Variants in NRXN3 observed in about 807,000 individuals in gnomAD.
The protein encoded by NRXN3 is neurexin III.
A neutral mutation model predicts 137.6 loss-of-function variants in NRXN3; 32 were observed. The ratio of observed to expected loss-of-function variants is 0.23; its 90% CI spans 0.18 to 0.31. NRXN3 has a LOEUF of 0.31. NRXN3 is among the 10% of genes least tolerant of loss of function. The pLI is 1.00. For missense variants in NRXN3, 1,574 were observed against 2,062.5 expected (o/e 0.76, Z 4.59); for synonymous variants, 798 against 784.5 (o/e 1.02, Z -0.29).
intron 4 of NRXN3, among the ~76,000 whole-genome samples, chr14:78,351,834 A>G (rs908743661): frequency 2.0e-5 from 3 of 147,680 alleles, no homozygotes; most frequent in Non-Finnish European, 4.5e-5. Flanking sequence ...ATGTTGGCAA[A>G]TTTATTAATT....
chr14:78,633,251 CAAAA>C lies in NRXN3; in HGVS notation c.758-11855_758-11852del, dbSNP rs779442429. On this transcript the variant is annotated intron_variant, in intron 4 of 20. Coordinates refer to ENST00000335750, the MANE Select transcript of NRXN3 (RefSeq NM_001330195.2). The stretch of plus-strand genomic sequence containing the variant: ...CCTGGGCTACAGAGCGAGACTCTGT[CAAAA>C]AAAAAAAAAAAAAGAGACTGGTAAT... Among the ~76,000 whole-genome samples, 11 of 68,048 alleles carry C rather than the reference CAAAA, an allele frequency of 1.6e-4. No individual in the cohort carries two copies. The South Asian group carries it at 5.1e-3, about 31-fold the overall frequency. The allele number at this position is 68,048 out of a possible 152,430, so 44.6% of individuals were successfully genotyped here.
At chr14:79,265,229 C>CT (rs1192923064) in intron 15 of NRXN3, among the ~76,000 whole-genome samples, 87 of 119,542 alleles carry the variant, frequency 7.3e-4, no homozygotes, top group Middle Eastern at 5.3e-3. Flanking sequence ...ATGGGGGTTG[C>CT]TCTTTTTTTT....
intron 10 of NRXN3, among the ~76,000 whole-genome samples, chr14:78,946,200 A>C (rs1290573580): frequency 6.6e-6 from 1 of 152,246 alleles, no homozygotes; most frequent in Admixed American, 6.5e-5. Flanking sequence ...GGTCTTGTGC[A>C]AGTATGTGAA....
chr14:79,393,975 G>T (rs1465810944), intron 15 of NRXN3, among the ~76,000 whole-genome samples: 1 of 152,134 alleles, frequency 6.6e-6, no homozygotes, highest in African/African-American at 2.4e-5. Flanking sequence ...GTCCAGTAGG[G>T]TGGAAGTCAG....
At chr14:78,789,784 C>G (rs575958066) in intron 8 of NRXN3, among the ~76,000 whole-genome samples, 105 of 152,240 alleles carry the variant, frequency 6.9e-4, no homozygotes, top group African/African-American at 2.4e-3. Context: ...CCACTCTTCT[C>G]TTTGCTCTTT....
chr14:78,217,475 T>G (rs2063409625), intron 1 of NRXN3, among the ~76,000 whole-genome samples: 1 of 152,096 alleles, frequency 6.6e-6, no homozygotes, highest in African/African-American at 2.4e-5. Context: ...CAACAAGGAA[T>G]TATCTAGTCC....
At chr14:79,158,634 A>C (rs1415430910) in intron 15 of NRXN3, among the ~76,000 whole-genome samples, 1 of 151,842 alleles carries the variant, frequency 6.6e-6, no homozygotes, top group African/African-American at 2.4e-5. Context: ...ATAATTAAAG[A>C]ATTACAAGGG....
chr14:78,606,860 T>C (rs2097257372), intron 4 of NRXN3, among the ~76,000 whole-genome samples: 1 of 152,234 alleles, frequency 6.6e-6, no homozygotes, highest in African/African-American at 2.4e-5. Context: ...TAAAAAAGTA[T>C]GATGATTGTT....
chr14:79,387,012 T>A (rs2094645503), intron 15 of NRXN3, among the ~76,000 whole-genome samples: 1 of 152,136 alleles, frequency 6.6e-6, no homozygotes. Context: ...GAAGAAAACC[T>A]AGGCAATACC....
chr14:79,111,070 G>A lies in NRXN3; in HGVS notation c.3262+122929G>A, dbSNP rs143877595. ...CTCCCAAAGTGCTGGGAGTACAGGC[G>A]TGAGCCACTGTGCCTAGCCAGAAAT... is the stretch of plus-strand genomic sequence containing the variant. On this transcript the variant is annotated intron_variant, in intron 15 of 20. Coordinates refer to ENST00000335750, the MANE Select transcript of NRXN3 (RefSeq NM_001330195.2). Among the ~76,000 whole-genome samples the A allele has an allele frequency of 5.8e-3, 880 of 152,182 alleles. 13 individuals carry two copies. The highest frequency in any genetic ancestry group is 0.056 in the South Asian group (272 of 4,822).
intron 8 of NRXN3, among the ~76,000 whole-genome samples, chr14:78,793,820 C>T (rs2098812903): frequency 6.6e-6 from 1 of 152,016 alleles, no homozygotes; most frequent in Non-Finnish European, 1.5e-5. Flanking sequence ...GACTCAAGGC[C>T]CTAGGCTTGC....
intron 19 of NRXN3, among the ~76,000 whole-genome samples, chr14:79,717,897 C>T (rs1244461335): frequency 6.6e-6 from 1 of 152,200 alleles, no homozygotes; most frequent in East Asian, 1.9e-4. Context: ...CGCATTCATT[C>T]CACAAACATT....
At chr14:79,004,474 A>G (rs569842361) in intron 15 of NRXN3, among the ~76,000 whole-genome samples, 1 of 152,252 alleles carries the variant, frequency 6.6e-6, no homozygotes, top group East Asian at 1.9e-4. Context: ...AAACTCTTGG[A>G]TGCAAGTGAT....
At chr14:79,095,860 A>T (rs373189413) in intron 15 of NRXN3, among the ~76,000 whole-genome samples, 2 of 152,122 alleles carry the variant, frequency 1.3e-5, no homozygotes, top group African/African-American at 4.8e-5. Context: ...TTATTGTTTT[A>T]GAATTTGAAA....
intron 2 of NRXN3, among the ~76,000 whole-genome samples, chr14:78,255,400 G>A (rs1596417819): frequency 6.6e-6 from 1 of 152,316 alleles, no homozygotes; most frequent in Middle Eastern, 3.4e-3. Flanking sequence ...CGTGGGCAGA[G>A]GATGGTTGGG....
At chr14:78,626,244 G>A (rs888368803) in intron 4 of NRXN3, among the ~76,000 whole-genome samples, 7 of 152,136 alleles carry the variant, frequency 4.6e-5, no homozygotes, top group Admixed American at 3.9e-4. Context: ...TTTAACTACA[G>A]TGCGCAGCTC....
At chr14:79,584,655 C>T (rs1398098954) in intron 16 of NRXN3, among the ~76,000 whole-genome samples, 2 of 152,162 alleles carry the variant, frequency 1.3e-5, no homozygotes, top group African/African-American at 4.8e-5. Flanking sequence ...TCTCCCACAA[C>T]CCAGCTACTG....
rs201291697 is a variant in NRXN3 at position 79,596,009 on chromosome 14, C to G, written c.3445-67769C>G. On this transcript the variant is annotated intron_variant, in intron 16 of 20. Transcript: ENST00000335750. ...TGGTTCATGCCGTGGGGGAACGGGT[C>G]TCTTTCCCAATATATAAGAGGACAA... Among the ~76,000 whole-genome samples, 535 of 150,244 alleles carry G rather than the reference C, an allele frequency of 3.6e-3. 1 individual carries two copies. Among genetic ancestry groups the G allele is most frequent in the African/African-American group, 0.013 (518 of 41,018 alleles).
At chr14:78,379,681 C>G (rs544624935) in intron 4 of NRXN3, among the ~76,000 whole-genome samples, 3 of 152,314 alleles carry the variant, frequency 2.0e-5, no homozygotes, top group African/African-American at 7.2e-5. Context: ...TGCTTTTGCA[C>G]TAAGATCATA....
Sources: allele counts gnomAD v4.1 joint callset (sites outside exome capture counted in the v4.1 genomes callset), GRCh38; gene constraint gnomAD v4.1.1; transcripts MANE v1.5; gene names NCBI Gene and HGNC (gene_info 2026-07-23, HGNC 2026-07-21).